The following RNF19A variants were observed in gnomAD, a reference collection of about 807,000 sequenced individuals.
RNF19A encodes the protein E3 ubiquitin-protein ligase RNF19A.
A neutral mutation model predicts 75.7 loss-of-function variants in RNF19A; 32 were observed. The ratio of observed to expected loss-of-function variants is 0.42; its 90% confidence interval spans 0.32 to 0.57. The LOEUF (loss-of-function observed/expected upper bound fraction) is 0.57, where lower values mean the gene tolerates loss of function less well. Ranked by LOEUF, RNF19A falls within the 20% of genes least tolerant of loss-of-function variation. RNF19A has a pLI of 0.10. For missense variants in RNF19A, 782 were observed against 1,036.3 expected, an observed-to-expected ratio of 0.75 and a Z score of 3.37; for synonymous variants, 335 against 345.2, an observed-to-expected ratio of 0.97 and a Z score of 0.33.
intron 1 of RNF19A, among the ~76,000 whole-genome samples, chr8:100,318,106 A>T (rs539919754): frequency 6.6e-6 from 1 of 152,148 alleles, no homozygotes; most frequent in African/African-American, 2.4e-5. Flanking sequence ...TATAGGAGCC[A>T]TGAAACTTGT....
At chr8:100,300,232 A>C (rs1376601026) in intron 1 of RNF19A, among the ~76,000 whole-genome samples, 5 of 152,238 alleles carry the variant, frequency 3.3e-5, no homozygotes, top group African/African-American at 1.2e-4. Flanking sequence ...AAATATTATT[A>C]ACTGTATAAG....
rs1311975681 is a variant in RNF19A at position 100,261,270 on chromosome 8, A to AT, written c.1682+271dup. 3.3e-5 allele frequency among the ~76,000 whole-genome samples: 5 copies of AT among 151,332 alleles called. No homozygotes were observed. The highest frequency in any genetic ancestry group is 4.9e-5 in the African/African-American group (2 of 41,164). ...CCACCAAATCCGGCTAATTTTTTAT[A>AT]TTTTTTTAGTAGAGATGGGGTTTCG... On this transcript the variant is annotated intron_variant, in intron 8 of 9. Coordinates refer to ENST00000341084, the MANE Select transcript of RNF19A (RefSeq NM_183419.4). The surrounding 1 kb of genome is among the most constrained non-coding windows in gnomAD (Gnocchi z 4.4).
In RNF19A at chr8:100,325,734, G is replaced by T. The variant is rs1822525280; in HGVS notation, c.-243+10374C>A. Among the ~76,000 whole-genome samples, 1 of 151,416 alleles carries T rather than the reference G, an allele frequency of 6.6e-6. No homozygotes were observed. ...CAGAAAATATCTGTGGATGTTTATG[G>T]ATGGTATATGTATTTATGTGTGAGT... On this transcript the variant is annotated intron_variant, in intron 1 of 3. Transcript: ENST00000519527. This position sits in a 1 kb window ranked among gnomAD's most constrained non-coding sequence, Gnocchi z 4.3.
intron 2 of RNF19A, among the ~76,000 whole-genome samples, chr8:100,281,429 A>T (rs1013006306): frequency 6.6e-6 from 1 of 152,220 alleles, no homozygotes; most frequent in Non-Finnish European, 1.5e-5. Flanking sequence ...TAAGTCATTT[A>T]TAATATCTCC....
chr8:100,276,250 C>T (rs1820504024), intron 2 of RNF19A, among the ~76,000 whole-genome samples: 1 of 152,154 alleles, frequency 6.6e-6, no homozygotes, highest in South Asian at 2.1e-4. Flanking sequence ...ATACACACTA[C>T]CATCAATAAA....
At chr8:100,278,048 T>C (rs1361047839) in intron 2 of RNF19A, among the ~76,000 whole-genome samples, 2 of 152,264 alleles carry the variant, frequency 1.3e-5, no homozygotes, top group African/African-American at 2.4e-5. Context: ...GTTCAAATTC[T>C]ACTTCCACCA....
chr8:100,296,573 G>A (rs1256845410), intron 1 of RNF19A, among the ~76,000 whole-genome samples: 1 of 147,118 alleles, frequency 6.8e-6, no homozygotes, highest in Non-Finnish European at 1.5e-5. Context: ...TCTCAAAAGT[G>A]TATGTTAATT....
rs1015934592 is a variant in RNF19A, at chr8:100,325,299, G to A, written c.-243+10809C>T. Among the ~76,000 whole-genome samples, 2 of 152,214 alleles carry A rather than the reference G, an allele frequency of 1.3e-5. No individual in the cohort carries two copies. The highest frequency in any genetic ancestry group is 2.9e-5 in the Non-Finnish European group (2 of 68,030). The stretch of plus-strand genomic sequence containing the variant: ...CTTAAGAGCCTGAAGGGTTTTTGCA[G>A]AGAGTTTGGTTTCTGAGTCTTCCAA... On this transcript the variant is annotated intron_variant, in intron 1 of 3. Transcript: ENST00000519527. The surrounding 1 kb of genome is among the most constrained non-coding windows in gnomAD (Gnocchi z 4.3).
chr8:100,264,028 A>G lies in RNF19A; in HGVS notation c.1468+6T>C. On this transcript the variant is annotated splice_donor_region_variant and intron_variant, in intron 7 of 9. Transcript: ENST00000341084. The surrounding 1 kb of genome is among the most constrained non-coding windows in gnomAD (Gnocchi z 4.7). ...CACATTTTCTTCCTTTGCTTAAAGGACTTACCTACAGCTGTGTTAGTTCCA... is the reference window on the plus strand; with the variant it reads ...CACATTTTCTTCCTTTGCTTAAAGGGCTTACCTACAGCTGTGTTAGTTCCA... The G allele has an allele frequency of 6.2e-7, 1 of 1,611,054 alleles. No individual in the cohort carries two copies. The highest frequency in any genetic ancestry group is 8.5e-7 in the Non-Finnish European group (1 of 1,178,236).
rs958294554 is a variant in RNF19A, at chr8:100,287,488, A to G, written c.674+13T>C. Reference sequence around the variant, plus strand: ...AAAATTAACTCAAGAAAAATCAAACATTATCTTCTTACCCACAGTCTGGAG... The same window carrying G: ...AAAATTAACTCAAGAAAAATCAAACGTTATCTTCTTACCCACAGTCTGGAG... On this transcript the variant is annotated intron_variant, in intron 2 of 9. Transcript: ENST00000341084. The surrounding 1 kb of genome is among the most constrained non-coding windows in gnomAD (Gnocchi z 4.1). 6.4e-7 allele frequency: 1 copy of G among 1,556,218 alleles called. No homozygotes were observed. The highest frequency in any genetic ancestry group is 8.7e-7 in the Non-Finnish European group (1 of 1,152,802).
At position 100,329,157 on chromosome 8, in the gene RNF19A, C is replaced by G. The variant is rs141157854; in HGVS notation, c.-243+6951G>C. ...CACCAAAGTGTTCGTTCATCCAGAACTGCTGGCACAAAGCAAAAGTGGGTG... is the reference window on the plus strand; with the variant it reads ...CACCAAAGTGTTCGTTCATCCAGAAGTGCTGGCACAAAGCAAAAGTGGGTG... On this transcript the variant is annotated intron_variant, in intron 1 of 3. Coordinates refer to the RNF19A transcript ENST00000519527. The surrounding 1 kb of genome is among the most constrained non-coding windows in gnomAD (Gnocchi z 4.3). Among the ~76,000 whole-genome samples, 545 of 152,280 alleles carry G rather than the reference C, an allele frequency of 3.6e-3. 3 individuals carry two copies. Among genetic ancestry groups the G allele is most frequent in the African/African-American group, 0.012 (505 of 41,548 alleles).
rs752459767 is a variant in RNF19A, at chr8:100,269,829, A to C, written c.1028+40T>G. 6.8e-7 allele frequency: 1 copy of C among 1,460,224 alleles called. No individual in the cohort carries two copies. Among genetic ancestry groups the C allele is most frequent in the African/African-American group, 1.5e-5 (1 of 68,760 alleles). 90.5% of individuals were successfully genotyped at this position (1,460,224 alleles called of 1,614,324 possible). On this transcript the variant is annotated intron_variant, in intron 4 of 9. Transcript: ENST00000341084. This position sits in a 1 kb window ranked among gnomAD's most constrained non-coding sequence, Gnocchi z 5.7. ...CAAGTTATTTTGTCTTACAATATAA[A>C]ATTACATTTACATATAAATAGCTCC...
At position 100,284,782 on chromosome 8, in the gene RNF19A, AG is replaced by A. The variant is rs1820939136; in HGVS notation, c.674+2718del. Among the ~76,000 whole-genome samples, 4 of 152,278 alleles carry A rather than the reference AG, an allele frequency of 2.6e-5. No homozygotes were observed. The South Asian group carries it at 8.3e-4, about 32-fold the overall frequency. On this transcript the variant is annotated intron_variant, in intron 2 of 9. Coordinates refer to ENST00000341084, the MANE Select transcript of RNF19A (RefSeq NM_183419.4). The surrounding 1 kb of genome is among the most constrained non-coding windows in gnomAD (Gnocchi z 4.3). ...TATTAAGAAATATCACATATAAAAA[AG>A]GTTTATAAAGAATAGTAAAATAATA...
rs1387323186 is a variant in RNF19A, at chr8:100,258,944, G to C, written c.2129C>G (p.Ala710Gly). 6.2e-7 allele frequency: 1 copy of C among 1,614,224 alleles called. No homozygotes were observed. Among genetic ancestry groups the C allele is most frequent in the East Asian group, 2.2e-5 (1 of 44,894 alleles). ...AGGCATACTGTCACTGAGGGATGGAGCCTCAAATTCACTTGAGTTCGTGCT... is the reference window on the plus strand; with the variant it reads ...AGGCATACTGTCACTGAGGGATGGACCCTCAAATTCACTTGAGTTCGTGCT... ...QQSTNSSEFE[A>G]PSLSDSMPSV... Residue 710 changes from alanine (A) to glycine (G), a missense_variant, in exon 10 of 10, where the codon GCT becomes GGT. Ala to Gly is a moderately conservative substitution (Grantham distance 60). Transcript: ENST00000341084. This position sits in a 1 kb window ranked among gnomAD's most constrained non-coding sequence, Gnocchi z 4.3.
chr8:100,294,586 C>T (rs968420061), intron 1 of RNF19A, among the ~76,000 whole-genome samples: 2 of 129,466 alleles, frequency 1.5e-5, no homozygotes, highest in African/African-American at 6.7e-5. Flanking sequence ...AACTTCCATC[C>T]CCTGATACTT....
chr8:100,282,458 T>C (rs1304790065), intron 2 of RNF19A, among the ~76,000 whole-genome samples: 2 of 152,192 alleles, frequency 1.3e-5, no homozygotes, highest in East Asian at 1.9e-4. Flanking sequence ...GTTAATTTTA[T>C]GGTTAGGAAG....
At chr8:100,292,712 C>T (rs1821366364) in intron 1 of RNF19A, among the ~76,000 whole-genome samples, 1 of 152,068 alleles carries the variant, frequency 6.6e-6, no homozygotes. Flanking sequence ...TACCTCAACA[C>T]CAGTTACTGA....
At chr8:100,310,379 G>T, upstream of RNF19A, 1 of 362,628 alleles carries the variant, frequency 2.8e-6, no homozygotes, top group Non-Finnish European at 3.8e-6. Flanking sequence ...GGGCAGTGGG[G>T]CCGGTGTCTC....
chr8:100,336,064 C>T (rs1042347174), intron 1 of RNF19A: 3 of 152,200 alleles, frequency 2.0e-5, no homozygotes, highest in African/African-American at 7.2e-5. Flanking sequence ...CAGACAGAGT[C>T]CATGGGATAG....
Sources: allele counts gnomAD v4.1 joint callset (sites outside exome capture counted in the v4.1 genomes callset), GRCh38; gene constraint gnomAD v4.1.1; non-coding constraint Gnocchi (gnomAD v3.1); transcripts MANE v1.5; gene names NCBI Gene and HGNC (gene_info 2026-07-23, HGNC 2026-07-21).